Variants in GRIK2 observed in about 807,000 individuals in gnomAD.
The protein encoded by GRIK2 is glutamate ionotropic receptor kainate type subunit 2.
Under a neutral mutation model 100.3 loss-of-function variants are expected in GRIK2, and 32 were observed. That is an observed-to-expected ratio of 0.32 (90% confidence interval 0.24 to 0.43). The LOEUF is 0.43. GRIK2 is among the 20% of genes least tolerant of loss of function. The pLI is 1.00. For synonymous variants in GRIK2, 417 were observed against 389.4 expected (o/e 1.07, Z -0.83); for missense variants, 843 against 1,114.9 (o/e 0.76, Z 3.47).
chr6:101,744,103 C>T (rs539015874), intron 7 of GRIK2, among the ~76,000 whole-genome samples: 190 of 152,052 alleles, frequency 1.2e-3, no homozygotes, highest in African/African-American at 4.2e-3. Context: ...CCACCACGCC[C>T]GGCTAATTTT....
chr6:101,616,173 G>A (rs1052573485), intron 2 of GRIK2, among the ~76,000 whole-genome samples: 1 of 151,572 alleles, frequency 6.6e-6, no homozygotes, highest in South Asian at 2.1e-4. Flanking sequence ...ATATAAATAT[G>A]TTAAGTCTTT....
At chr6:101,899,198 G>A (rs78142117) in intron 12 of GRIK2, among the ~76,000 whole-genome samples, 12,907 of 149,728 alleles carry the variant, frequency 0.086, 756 homozygotes, top group Middle Eastern at 0.2. Context: ...GATCTATTTC[G>A]TATATAAATA....
At chr6:101,824,509 TCTGA>T (rs781513410) in intron 10 of GRIK2, among the ~76,000 whole-genome samples, 13 of 152,342 alleles carry the variant, frequency 8.5e-5, no homozygotes, top group Middle Eastern at 3.4e-3. Context: ...TTCACTCCTG[TCTGA>T]CTATGTTGAG....
chr6:101,977,522 C>T lies in GRIK2; in HGVS notation c.2085+48890C>T, dbSNP rs188520197. On this transcript the variant is annotated intron_variant, in intron 14 of 16. Coordinates refer to ENST00000369134, the MANE Select transcript of GRIK2 (RefSeq NM_021956.5). ...CTCAGCCAGACCAATGTGGAGTCCC[C>T]AGGCAAATGTTTCTCCTTGGAAAAA... Among the ~76,000 whole-genome samples the T allele has an allele frequency of 6.6e-4, 101 of 152,024 alleles. 1 individual carries two copies. Among genetic ancestry groups the T allele is most frequent in the African/African-American group, 2.3e-3 (94 of 41,516 alleles).
intron 7 of GRIK2, among the ~76,000 whole-genome samples, chr6:101,779,244 C>T (rs545338875): frequency 3.0e-4 from 45 of 152,124 alleles, no homozygotes; most frequent in Admixed American, 1.7e-3. Flanking sequence ...AAGCCTATTT[C>T]TGTGGCAATG....
intron 2 of GRIK2, among the ~76,000 whole-genome samples, chr6:101,583,156 G>A (rs1199817931): frequency 6.6e-6 from 1 of 152,098 alleles, no homozygotes; most frequent in South Asian, 2.1e-4. Flanking sequence ...TTAAGCAAAT[G>A]TTTAGTGGAT....
intron 2 of GRIK2, among the ~76,000 whole-genome samples, chr6:101,492,066 A>C (rs979905401): frequency 5.3e-5 from 8 of 151,964 alleles, no homozygotes; most frequent in African/African-American, 1.9e-4. Flanking sequence ...CACTTAGTTA[A>C]GGTGGTAATT....
intron 4 of GRIK2, among the ~76,000 whole-genome samples, chr6:101,631,676 C>T (rs965274609): frequency 8.6e-5 from 13 of 151,992 alleles, no homozygotes; most frequent in South Asian, 4.1e-4. Context: ...TTTTTTGGCT[C>T]GACAACAATC....
chr6:101,558,639 T>TTCCATTG (rs1209363503), intron 2 of GRIK2, among the ~76,000 whole-genome samples: 1 of 149,836 alleles, frequency 6.7e-6, no homozygotes, highest in Admixed American at 6.8e-5. Flanking sequence ...TAAAACTTCT[T>TTCCATTG]TCCATTGGCT....
At position 101,485,366 on chromosome 6, in the gene GRIK2, T is replaced by C. The variant is rs557567627; in HGVS notation, c.115+85974T>C. On this transcript the variant is annotated intron_variant, in intron 2 of 16. Coordinates refer to ENST00000369134, the MANE Select transcript of GRIK2 (RefSeq NM_021956.5). ...CCAGCATTTCTTTTGCATTGCATTA[T>C]AATTATTTTTAGGCATAATAAATTA... 2.6e-5 allele frequency among the ~76,000 whole-genome samples: 4 copies of C among 152,346 alleles called. No individual in the cohort carries two copies. The East Asian group carries it at 7.7e-4, about 29-fold the overall frequency.
At chr6:101,998,798 T>C (rs1193971011) in intron 14 of GRIK2, among the ~76,000 whole-genome samples, 1 of 148,788 alleles carries the variant, frequency 6.7e-6, no homozygotes, top group Non-Finnish European at 1.5e-5. Context: ...GTGTGAGTTT[T>C]TCTTTTTTCT....
At chr6:101,425,171 G>A (rs1223684362) in intron 2 of GRIK2, among the ~76,000 whole-genome samples, 1 of 152,142 alleles carries the variant, frequency 6.6e-6, no homozygotes, top group Non-Finnish European at 1.5e-5. Flanking sequence ...AATCCTCTTG[G>A]TATATACCCA....
intron 2 of GRIK2, among the ~76,000 whole-genome samples, chr6:101,408,953 A>G (rs1001984729): frequency 3.3e-5 from 5 of 152,186 alleles, no homozygotes; most frequent in African/African-American, 1.2e-4. Flanking sequence ...ATGATTAAGC[A>G]AGGAAAAGTT....
intron 2 of GRIK2, among the ~76,000 whole-genome samples, chr6:101,469,799 G>C (rs761774071): frequency 2.6e-5 from 4 of 152,178 alleles, no homozygotes; most frequent in African/African-American, 4.8e-5. Context: ...CCTGAGGGAA[G>C]TGGGGCGTGA....
chr6:101,978,023 T>C (rs552833104), intron 14 of GRIK2, among the ~76,000 whole-genome samples: 2 of 152,094 alleles, frequency 1.3e-5, no homozygotes, highest in East Asian at 1.9e-4. Context: ...ATAATCTGGA[T>C]GTAAAAAATC....
chr6:101,718,797 G>T lies in GRIK2; in HGVS notation c.951+32444G>T, dbSNP rs1774248510. 1.3e-5 allele frequency among the ~76,000 whole-genome samples: 2 copies of T among 151,870 alleles called. 1 individual carries two copies. The highest frequency in any genetic ancestry group is 4.1e-4 in the South Asian group (2 of 4,830). ...GTTGTGTTCTTAGAGGTGAAGATTT[G>T]ATACCAAATCTGACATGTGATCCTC... On this transcript the variant is annotated intron_variant, in intron 7 of 16. Transcript: ENST00000369134.
chr6:101,526,086 A>G (rs184523083), intron 2 of GRIK2, among the ~76,000 whole-genome samples: 1 of 152,178 alleles, frequency 6.6e-6, no homozygotes, highest in Non-Finnish European at 1.5e-5. Flanking sequence ...TGATTCCTAG[A>G]TGTATACTGA....
At chr6:102,017,290 C>CCAAA in intron 14 of GRIK2, among the ~76,000 whole-genome samples, 1 of 152,106 alleles carries the variant, frequency 6.6e-6, no homozygotes, top group South Asian at 2.1e-4. Context: ...GGGGGAACTG[C>CCAAA]CAAACACTTT....
At chr6:101,695,574 T>G (rs1212373156) in intron 7 of GRIK2, among the ~76,000 whole-genome samples, 1 of 152,102 alleles carries the variant, frequency 6.6e-6, no homozygotes, top group Admixed American at 6.6e-5. Flanking sequence ...ATCTATTTAC[T>G]AGAAAGACAG....
Sources: gnomAD v4.1 joint callset for allele counts (sites outside exome capture counted in the v4.1 genomes callset) on GRCh38, gnomAD v4.1.1 for gene constraint, MANE v1.5 for transcripts, NCBI Gene and HGNC (gene_info 2026-07-23, HGNC 2026-07-21) for gene names.